SDHB: variants seen among roughly 807,000 people sequenced by gnomAD.
The protein encoded by SDHB is succinate dehydrogenase complex iron sulfur subunit B.
A neutral mutation model predicts 39.7 loss-of-function variants in SDHB; 21 were observed. The ratio of observed to expected loss-of-function variants is 0.53; its 90% CI spans 0.37 to 0.76. The LOEUF (loss-of-function observed/expected upper bound fraction) is 0.76, where lower values mean the gene tolerates loss of function less well. Ranked by LOEUF, SDHB falls within the 30% of genes least tolerant of loss-of-function variation. The pLI is 0.00. For missense variants in SDHB, 343 were observed against 350.9 expected, an observed-to-expected ratio of 0.98 and a Z score of 0.18; for synonymous variants, 118 against 117.0, an observed-to-expected ratio of 1.01 and a Z score of -0.06.
chr1:17,041,157 A>G (rs2078078093), intron 2 of SDHB, among the ~76,000 whole-genome samples: 1 of 152,086 alleles, frequency 6.6e-6, no homozygotes, highest in Non-Finnish European at 1.5e-5. Flanking sequence ...ACAACAACAA[A>G]AAACTATATA....
At chr1:17,046,420 AT>A (rs2101543443) in intron 1 of SDHB, among the ~76,000 whole-genome samples, 1 of 152,248 alleles carries the variant, frequency 6.6e-6, no homozygotes, top group Non-Finnish European at 1.5e-5. Context: ...AAATTCACTA[AT>A]TTTAAGGGTA....
At chr1:17,039,090 T>C (rs542692109) in intron 2 of SDHB, among the ~76,000 whole-genome samples, 68 of 152,262 alleles carry the variant, frequency 4.5e-4, no homozygotes, top group African/African-American at 1.6e-3. Context: ...ACTGGGAGTA[T>C]TTAATAGTTT....
chr1:17,022,592 C>A lies in SDHB; in HGVS notation c.765+16G>T. On this transcript the variant is annotated intron_variant, in intron 7 of 7. Transcript: ENST00000375499. ...TCAGCTCTGAGGCAGAGCTGAGGGT[C>A]ACCAGCCCCACGTACCTTAGGACAG... The A allele has an allele frequency of 1.2e-6, 2 of 1,613,438 alleles. No individual in the cohort carries two copies. The highest frequency in any genetic ancestry group is 2.2e-5 in the South Asian group (2 of 91,024).
intron 2 of SDHB, among the ~76,000 whole-genome samples, chr1:17,040,999 G>A (rs1221436011): frequency 6.6e-6 from 1 of 152,012 alleles, no homozygotes; most frequent in Non-Finnish European, 1.5e-5. Flanking sequence ...GCGTGGTGGT[G>A]CACGTCTGTA....
intron 1 of SDHB, among the ~76,000 whole-genome samples, chr1:17,045,870 CTG>C (rs1218618050): frequency 1.3e-5 from 2 of 152,200 alleles, no homozygotes; most frequent in Admixed American, 6.5e-5. Context: ...TCCCAGAAGA[CTG>C]TGCAGCTGGG....
At chr1:17,051,232 A>G (rs1211536486) in intron 1 of SDHB, among the ~76,000 whole-genome samples, 3 of 152,226 alleles carry the variant, frequency 2.0e-5, no homozygotes, top group Non-Finnish European at 4.4e-5. Flanking sequence ...GCCCCTTGAA[A>G]GCATTTTTAC....
At chr1:17,034,516 G>A (rs1266144114) in intron 2 of SDHB, among the ~76,000 whole-genome samples, 1 of 151,336 alleles carries the variant, frequency 6.6e-6, no homozygotes, top group Non-Finnish European at 1.5e-5. Flanking sequence ...GAGTAGCTGG[G>A]ATTACAGGTG....
intron 2 of SDHB, among the ~76,000 whole-genome samples, chr1:17,040,890 G>C (rs1330845221): frequency 6.6e-6 from 1 of 152,176 alleles, no homozygotes; most frequent in African/African-American, 2.4e-5. Context: ...AGCACTTTGG[G>C]AGGCCGAGGC....
At chr1:17,020,768 C>G (rs532480999) in intron 7 of SDHB, among the ~76,000 whole-genome samples, 1 of 152,308 alleles carries the variant, frequency 6.6e-6, no homozygotes, top group South Asian at 2.1e-4. Flanking sequence ...AGTAGCTATT[C>G]ACAGGCACAA....
chr1:17,033,242 C>T (rs1330539217), intron 2 of SDHB, 97 bp from the exon 3 acceptor site: 3 of 1,000,724 alleles, frequency 3.0e-6, no homozygotes. Flanking sequence ...ATTAGCTTAT[C>T]CATTTGGTCT....
intron 6 of SDHB, 143 bp from the exon 7 acceptor site, chr1:17,022,873 C>T: frequency 9.3e-7 from 1 of 1,077,102 alleles, no homozygotes; most frequent in Non-Finnish European, 1.4e-6. Flanking sequence ...AATTCTTGTC[C>T]ATCTTTCAAG....
chr1:17,050,744 C>A (rs2078141398), intron 1 of SDHB, among the ~76,000 whole-genome samples: 1 of 151,966 alleles, frequency 6.6e-6, no homozygotes, highest in Admixed American at 6.6e-5. Flanking sequence ...TCAAAATCAC[C>A]AGAGTGGTCA....
intron 6 of SDHB, 66 bp from the exon 7 acceptor site, chr1:17,022,796 T>A (rs2101514198): frequency 6.4e-7 from 1 of 1,572,108 alleles, no homozygotes; most frequent in Non-Finnish European, 8.7e-7. Context: ...CTGGCTCAAC[T>A]CAAAGCTCTG....
In SDHB at chr1:17,033,856, T is replaced by A. The variant is rs1021189102; in HGVS notation, c.201-711A>T. Among the ~76,000 whole-genome samples the A allele has an allele frequency of 5.9e-5, 9 of 152,352 alleles. No homozygotes were observed. The East Asian group carries it at 1.2e-3, about 20-fold the overall frequency. On this transcript the variant is annotated intron_variant, in intron 2 of 7. Transcript: ENST00000375499. Reference sequence around the variant, plus strand: ...CACACGAGATCTTTACAGCAGCATCTGACATATAAATCATAGTTTAACTAT... The same window carrying A: ...CACACGAGATCTTTACAGCAGCATCAGACATATAAATCATAGTTTAACTAT...
At chr1:17,030,139 A>C (rs1456553706) in intron 3 of SDHB, among the ~76,000 whole-genome samples, 1 of 152,200 alleles carries the variant, frequency 6.6e-6, no homozygotes, top group African/African-American at 2.4e-5. Context: ...CAGTGAGCAG[A>C]GATCGCGCCA....
intron 1 of SDHB, among the ~76,000 whole-genome samples, chr1:17,049,480 T>C (rs1229259874): frequency 6.6e-6 from 1 of 151,388 alleles, no homozygotes; most frequent in Non-Finnish European, 1.5e-5. Flanking sequence ...GTATTTTTAG[T>C]ACAGACAAGG....
intron 6 of SDHB, 199 bp from the exon 7 acceptor site, chr1:17,022,929 C>A: frequency 4.7e-6 from 3 of 635,682 alleles, no homozygotes; most frequent in Non-Finnish European, 8.2e-6. Context: ...ATGGTCCCTG[C>A]AAACCTTTGA....
chr1:17,023,883 G>A (rs918988514), intron 6 of SDHB, 90 bp downstream of exon 6: 4 of 963,640 alleles, frequency 4.2e-6, no homozygotes, highest in Non-Finnish European at 6.7e-6. Context: ...AGGCCCCTCA[G>A]AATGGCTGGC....
chr1:17,041,238 G>A (rs185111870), intron 2 of SDHB, among the ~76,000 whole-genome samples: 3 of 152,028 alleles, frequency 2.0e-5, no homozygotes, highest in Admixed American at 1.3e-4. Flanking sequence ...AAGGCCATCC[G>A]GTAAATTTTC....
Sources: allele counts gnomAD v4.1 joint callset (sites outside exome capture counted in the v4.1 genomes callset), GRCh38; gene constraint gnomAD v4.1.1; transcripts MANE v1.5; gene names NCBI Gene and HGNC (gene_info 2026-07-23, HGNC 2026-07-21).